Variants in OVCH1 observed in about 807,000 individuals in gnomAD.
OVCH1 encodes the protein ovochymase 1, also known as ovochymase-1.
In OVCH1, 139 loss-of-function variants were observed where a neutral mutation model predicts 138.4. That is an observed-to-expected ratio of 1.00 (90% confidence interval 0.87 to 1.16). The LOEUF is 1.16. Ranked by LOEUF, OVCH1 falls within the 50% of genes most tolerant of loss-of-function variation. The pLI, the probability that OVCH1 is intolerant of heterozygous loss-of-function variation, is 0.00. For missense variants in OVCH1, 1,367 were observed against 1,357.9 expected, an observed-to-expected ratio of 1.01 and a Z score of -0.11; for synonymous variants, 453 against 467.8, an observed-to-expected ratio of 0.97 and a Z score of 0.41.
At chr12:29,451,922 T>C (rs1344986352) in intron 21 of OVCH1, among the ~76,000 whole-genome samples, 1 of 152,200 alleles carries the variant, frequency 6.6e-6, no homozygotes, top group Non-Finnish European at 1.5e-5. Context: ...TTCACTAAAT[T>C]AGCTGAACTT....
Position 29,433,629 on chromosome 12 carries a change from T to C in OVCH1, c.3327+122A>G, listed in dbSNP as rs1348469938. On this transcript the variant is annotated intron_variant, in intron 27 of 27. Transcript: ENST00000318184. ...AGGGACTGTCTTGTTCATTGCTCAATCTTCATTTCTTTGAATAGTGCCTGG... is the reference window on the plus strand; with the variant it reads ...AGGGACTGTCTTGTTCATTGCTCAACCTTCATTTCTTTGAATAGTGCCTGG... The C allele has an allele frequency of 3.7e-6, 4 of 1,071,930 alleles. No individual in the cohort carries two copies. In the African/African-American group the frequency reaches 6.6e-5, roughly 18 times the overall value. The allele number at this position is 1,071,930 out of a possible 1,614,324, so 66.4% of individuals were successfully genotyped here.
exon 14 of OVCH1, chr12:29,475,155 T>C (rs2136022892): frequency 6.6e-7 from 1 of 1,520,274 alleles, no homozygotes; most frequent in South Asian, 1.3e-5. Context: ...TAGAACTGAA[T>C]ATTGAAGTGA....
intron 26 of OVCH1, among the ~76,000 whole-genome samples, chr12:29,436,137 ATAT>A (rs1446493964): frequency 2.0e-5 from 3 of 152,038 alleles, no homozygotes; most frequent in Non-Finnish European, 2.9e-5. Context: ...TTTATAATTT[ATAT>A]TATATTTTTG....
At chr12:29,476,773 A>G (rs868131472) in intron 12 of OVCH1, among the ~76,000 whole-genome samples, 1,913 of 100,850 alleles carry the variant, frequency 0.019, 26 homozygotes, top group Middle Eastern at 0.037. Flanking sequence ...ACACACACAC[A>G]CACACACACA....
chr12:29,406,511 T>G, the OVCH1 span, among the ~76,000 whole-genome samples: 2 of 131,954 alleles, frequency 1.5e-5, no homozygotes, highest in African/African-American at 5.0e-5. Flanking sequence ...TGTGTCCATA[T>G]GTTCTCATTG....
rs560618422 is a variant in OVCH1 at position 29,455,717 on chromosome 12, G to A, written c.2281-312C>T. The stretch of plus-strand genomic sequence containing the variant: ...GATAGTCTTTAAATTATATCAATTA[G>A]TAAAACTGTAATATTTAAGATTTCA... On this transcript the variant is annotated intron_variant, in intron 19 of 27. Transcript: ENST00000318184. Among the ~76,000 whole-genome samples, 3 of 152,272 alleles carry A rather than the reference G, an allele frequency of 2.0e-5. No individual in the cohort carries two copies. The South Asian group carries it at 6.2e-4, about 32-fold the overall frequency.
chr12:29,423,234 A>G (rs145212243), downstream of OVCH1: 2,884 of 455,974 alleles, frequency 6.3e-3, 19 homozygotes, highest in Non-Finnish European at 9.6e-3. Flanking sequence ...CAGTCTTAAA[A>G]TGCACAGTCA....
intron 21 of OVCH1, among the ~76,000 whole-genome samples, chr12:29,453,871 A>G (rs1402789811): frequency 6.6e-6 from 1 of 152,020 alleles, no homozygotes; most frequent in Non-Finnish European, 1.5e-5. Flanking sequence ...ATTTATGATC[A>G]TTCATCTCAG....
chr12:29,477,428 C>T, exon 11 of OVCH1: 1 of 1,613,966 alleles, frequency 6.2e-7, no homozygotes, highest in East Asian at 2.2e-5. Flanking sequence ...ACCATGGCCT[C>T]ACTGGTCTCT....
chr12:29,465,611 T>A (rs1209008432), intron 16 of OVCH1, among the ~76,000 whole-genome samples: 1 of 152,092 alleles, frequency 6.6e-6, no homozygotes, highest in Non-Finnish European at 1.5e-5. Context: ...CAGTCCCCTG[T>A]CCCATTGCCT....
At chr12:29,422,971 C>G (rs1228877122), downstream of OVCH1, among the ~76,000 whole-genome samples, 1 of 152,158 alleles carries the variant, frequency 6.6e-6, no homozygotes, top group East Asian at 1.9e-4. Context: ...TTTGGAACTA[C>G]CAGTATTATG....
exon 18 of OVCH1, chr12:29,464,585 C>G (rs1042213662): frequency 2.5e-6 from 4 of 1,613,530 alleles, no homozygotes; most frequent in Admixed American, 1.7e-5. Context: ...GGGAGACATA[C>G]TGGCCTCACC....
intron 13 of OVCH1, 47 bp from the exon 14 acceptor site, chr12:29,475,236 A>G: frequency 7.5e-7 from 1 of 1,338,884 alleles, no homozygotes; most frequent in Non-Finnish European, 9.8e-7. Context: ...ATTTTTAAAA[A>G]ATCAGAACAC....
chr12:29,489,465 C>G (rs1427030903), intron 6 of OVCH1, among the ~76,000 whole-genome samples, 155 bp downstream of exon 6: 1 of 151,972 alleles, frequency 6.6e-6, no homozygotes, highest in Admixed American at 6.6e-5. Flanking sequence ...CTGCTCAGGT[C>G]AAGTACACTT....
chr12:29,423,278 T>C, downstream of OVCH1: 2 of 455,934 alleles, frequency 4.4e-6, no homozygotes, highest in Non-Finnish European at 4.4e-6. Context: ...ATAAACTCTT[T>C]CTTGGAGCCA....
At chr12:29,422,163 G>A (rs1941113689) in intron 3 of OVCH1, among the ~76,000 whole-genome samples, 1 of 152,102 alleles carries the variant, frequency 6.6e-6, no homozygotes. Context: ...ATGTGTAACA[G>A]CAATATTTTA....
At chr12:29,455,459 C>G in intron 19 of OVCH1, 54 bp from the exon 20 acceptor site, 1 of 1,523,502 alleles carries the variant, frequency 6.6e-7, no homozygotes, top group South Asian at 1.3e-5. Flanking sequence ...GAAGCTCCTG[C>G]TTTCAGTTTT....
intron 19 of OVCH1, among the ~76,000 whole-genome samples, chr12:29,457,998 T>C (rs74078157): frequency 0.026 from 3,901 of 152,266 alleles, 153 homozygotes; most frequent in African/African-American, 0.088. Context: ...TAAGGCAAGA[T>C]ATGGTCAGTT....
downstream of OVCH1, chr12:29,423,082 T>A (rs2135888414): frequency 2.7e-6 from 1 of 373,562 alleles, no homozygotes. Context: ...ACTTCAAAGC[T>A]TATGCAGTAT....
Sources: allele counts gnomAD v4.1 joint callset (sites outside exome capture counted in the v4.1 genomes callset), GRCh38; gene constraint gnomAD v4.1.1; transcripts MANE v1.5; gene names NCBI Gene and HGNC (gene_info 2026-07-23, HGNC 2026-07-21).